The following TMEM74 variants were observed in gnomAD, a reference collection of about 807,000 sequenced individuals.
TMEM74 encodes transmembrane protein 74.
A neutral mutation model predicts 18.1 loss-of-function variants in TMEM74; 13 were observed. That is an observed-to-expected ratio of 0.72 (90% CI 0.47 to 1.14). TMEM74 has a LOEUF of 1.14. Among genes scored for constraint, TMEM74 ranks in the 50% most tolerant of loss-of-function variants. TMEM74 has a pLI of 0.00. For synonymous variants in TMEM74, 159 were observed against 146.6 expected, an observed-to-expected ratio of 1.08 and a Z score of -0.61; for missense variants, 372 against 375.9, an observed-to-expected ratio of 0.99 and a Z score of 0.09.
At chr8:108,692,833 T>G (rs1388628339) in intron 1 of TMEM74, among the ~76,000 whole-genome samples, 2 of 152,318 alleles carry the variant, frequency 1.3e-5, no homozygotes, top group East Asian at 3.9e-4. Context: ...GATAATTGCC[T>G]GTTAGTCAAA....
chr8:108,700,438 C>T (rs1813323993), intron 1 of TMEM74, among the ~76,000 whole-genome samples: 1 of 151,768 alleles, frequency 6.6e-6, no homozygotes, highest in African/African-American at 2.4e-5. Flanking sequence ...TAAAATTGTG[C>T]CCTAGGAATG....
intron 2 of TMEM74, among the ~76,000 whole-genome samples, chr8:108,633,493 C>T (rs1283045158): frequency 6.6e-6 from 1 of 152,040 alleles, no homozygotes; most frequent in Non-Finnish European, 1.5e-5. Flanking sequence ...GATTTGATCT[C>T]ATGTATTCCT....
intron 1 of TMEM74, among the ~76,000 whole-genome samples, chr8:108,739,433 G>C (rs1443542526): frequency 6.6e-6 from 1 of 152,142 alleles, no homozygotes; most frequent in Non-Finnish European, 1.5e-5. Flanking sequence ...TTTACTGTTA[G>C]GAAAAAGTGG....
At chr8:108,769,040 C>T (rs186269059) in intron 1 of TMEM74, among the ~76,000 whole-genome samples, 18 of 152,126 alleles carry the variant, frequency 1.2e-4, no homozygotes, top group Middle Eastern at 3.4e-3. Flanking sequence ...TGGAGGCTCA[C>T]GCCTATAATC....
chr8:108,762,904 A>G (rs1814062422), intron 1 of TMEM74, among the ~76,000 whole-genome samples: 1 of 151,736 alleles, frequency 6.6e-6, no homozygotes, highest in Non-Finnish European at 1.5e-5. Flanking sequence ...CAAAACAAAA[A>G]ACTCCTTGAG....
chr8:108,664,509 T>C (rs1243750112), intron 1 of TMEM74, among the ~76,000 whole-genome samples: 1 of 152,148 alleles, frequency 6.6e-6, no homozygotes, highest in African/African-American at 2.4e-5. Flanking sequence ...TCGTTAAAGT[T>C]GTTTTTCAGA....
chr8:108,784,909 G>A lies in TMEM74; in HGVS notation c.190C>T (p.Pro64Ser), dbSNP rs148358989. 2.2e-5 allele frequency: 35 copies of A among 1,614,172 alleles called. No homozygotes were observed. The African/African-American group carries it at 4.0e-4, about 18-fold the overall frequency. Reference protein sequence around the residue: ...EMEGSKLSSSPASPSSSLQNS... With the variant: ...EMEGSKLSSSSASPSSSLQNS... ...TGCAGAGAGGAGGAGGGGGATGCTG[G>A]AGAAGAACTAAGTTTAGACCCTTCC... Residue 64 changes from proline (P) to serine (S), a missense_variant, in exon 2 of 2, where the codon CCA (proline) becomes TCA (serine). Transcript: ENST00000297459.
intron 2 of TMEM74, among the ~76,000 whole-genome samples, chr8:108,636,428 G>GCTTCT: frequency 6.6e-6 from 1 of 152,136 alleles, no homozygotes; most frequent in East Asian, 1.9e-4. Flanking sequence ...AGAGAAAGAT[G>GCTTCT]GCACTTAGCA....
intron 2 of TMEM74, chr8:108,652,757 A>G (rs1812786775): frequency 7.5e-6 from 4 of 531,990 alleles, no homozygotes; most frequent in South Asian, 1.9e-5. Context: ...AACACTCAGG[A>G]CAAAGGCTGT....
chr8:108,658,884 A>C (rs556587422), intron 1 of TMEM74, among the ~76,000 whole-genome samples: 8 of 152,184 alleles, frequency 5.3e-5, no homozygotes, highest in Admixed American at 2.0e-4. Flanking sequence ...GAGAGGAAAT[A>C]AAAATAATAG....
rs143571743 is a variant in TMEM74, at chr8:108,675,951, G to A, written n.120-20514C>T. On this transcript the variant is annotated intron_variant and non_coding_transcript_variant, in intron 1 of 3. Coordinates refer to the TMEM74 transcript ENST00000518838. ...TATTCATATTAGTTATAATATAGGA[G>A]CAAAATAATTAGAAGAAGAAAGAAA... Among the ~76,000 whole-genome samples the A allele has an allele frequency of 2.2e-4, 34 of 152,218 alleles. 1 individual carries two copies. In the East Asian group the frequency reaches 6.0e-3, roughly 27 times the overall value.
intron 1 of TMEM74, among the ~76,000 whole-genome samples, chr8:108,703,264 G>A (rs539555285): frequency 1.3e-5 from 2 of 152,246 alleles, no homozygotes; most frequent in Admixed American, 6.5e-5. Flanking sequence ...TACCTGATGT[G>A]CCCAGTATTA....
intron 1 of TMEM74, among the ~76,000 whole-genome samples, chr8:108,758,946 C>A (rs1335792458): frequency 6.6e-6 from 1 of 151,854 alleles, no homozygotes; most frequent in Non-Finnish European, 1.5e-5. Flanking sequence ...ATCCAGCTGC[C>A]AAATGACGAT....
At chr8:108,625,706 A>G (rs1450116570) in intron 2 of TMEM74, among the ~76,000 whole-genome samples, 2 of 151,994 alleles carry the variant, frequency 1.3e-5, no homozygotes, top group Non-Finnish European at 2.9e-5. Flanking sequence ...ACTATGCAAA[A>G]TAATTCTTGT....
chr8:108,680,164 T>G (rs1563524115), intron 1 of TMEM74, among the ~76,000 whole-genome samples: 1 of 152,208 alleles, frequency 6.6e-6, no homozygotes, highest in East Asian at 1.9e-4. Context: ...TAACTCATTT[T>G]ATGAGGCTAG....
chr8:108,706,651 C>T (rs1424880818), intron 1 of TMEM74, among the ~76,000 whole-genome samples: 1 of 152,104 alleles, frequency 6.6e-6, no homozygotes, highest in Non-Finnish European at 1.5e-5. Context: ...ATGTTTATTA[C>T]ATTCCATTAT....
At chr8:108,721,269 T>C (rs1813584890) in intron 1 of TMEM74, among the ~76,000 whole-genome samples, 1 of 152,166 alleles carries the variant, frequency 6.6e-6, no homozygotes, top group Admixed American at 6.5e-5. Context: ...CCATCTCTCC[T>C]CTCTACCAAG....
intron 1 of TMEM74, among the ~76,000 whole-genome samples, chr8:108,785,630 C>T (rs1814375731): frequency 1.3e-5 from 2 of 152,184 alleles, no homozygotes; most frequent in Admixed American, 1.3e-4. Context: ...AATTCTAATA[C>T]AGATTAGCTT....
intron 1 of TMEM74, among the ~76,000 whole-genome samples, chr8:108,702,965 A>G (rs2130616846): frequency 6.6e-6 from 1 of 152,144 alleles, no homozygotes; most frequent in Admixed American, 6.5e-5. Context: ...AGAAAAAGAA[A>G]AAGAGTATCA....
Sources: gnomAD v4.1 joint callset for allele counts (sites outside exome capture counted in the v4.1 genomes callset) on GRCh38, gnomAD v4.1.1 for gene constraint, MANE v1.5 for transcripts, NCBI Gene and HGNC (gene_info 2026-07-23, HGNC 2026-07-21) for gene names.